Variants in MYLK observed in about 807,000 individuals in gnomAD.
MYLK encodes the protein myosin light chain kinase, smooth muscle.
Under a neutral mutation model 203.4 loss-of-function variants are expected in MYLK, and 106 were observed. The ratio of observed to expected loss-of-function variants is 0.52; its 90% CI spans 0.45 to 0.61. The LOEUF (loss-of-function observed/expected upper bound fraction) is 0.61, where lower values mean the gene tolerates loss of function less well. MYLK is among the 20% of genes least tolerant of loss of function. The pLI, the probability that MYLK is intolerant of heterozygous loss-of-function variation, is 0.00. For synonymous variants in MYLK, 867 were observed against 959.5 expected (o/e 0.90, Z 1.78); for missense variants, 2,072 against 2,442.3 (o/e 0.85, Z 3.20).
chr3:123,657,312 T>G lies in MYLK; in HGVS notation c.4102A>C (p.Ile1368Leu), dbSNP rs1397336213. The G allele has an allele frequency of 1.2e-6, 2 of 1,614,020 alleles. No homozygotes were observed. The highest frequency in any genetic ancestry group is 1.3e-5 in the African/African-American group (1 of 74,912). ...TTGTTGGCTGAGTCCCAGATCTCGA[T>G]GCTGTAGGACTGTACAGCACTGCCC... ...DGGSAVQSYSIEIWDSANKTW... is the reference protein window; with the variant it reads ...DGGSAVQSYSLEIWDSANKTW... Residue 1368 changes from isoleucine to leucine, a missense_variant, in exon 24 of 34, where the codon ATC (isoleucine) becomes CTC (leucine). By Grantham distance (5) the Ile-to-Leu change is conservative (BLOSUM62 2). Coordinates refer to ENST00000360304, the MANE Select transcript of MYLK (RefSeq NM_053025.4).
intron 4 of MYLK, among the ~76,000 whole-genome samples, chr3:123,754,549 A>G (rs2063304518): frequency 1.3e-5 from 2 of 152,224 alleles, no homozygotes; most frequent in Admixed American, 6.5e-5. Flanking sequence ...TTGTAGCCTC[A>G]CCAAAACAAG....
At chr3:123,761,197 CACTGGCCACAG>C (rs2063522880) in intron 4 of MYLK, among the ~76,000 whole-genome samples, 1 of 152,210 alleles carries the variant, frequency 6.6e-6, no homozygotes, top group Non-Finnish European at 1.5e-5. Context: ...AAGACTCAGA[CACTGGCCACAG>C]ATTGTTCTGT....
At chr3:123,820,297 C>G (rs2065879257) in intron 3 of MYLK, among the ~76,000 whole-genome samples, 1 of 152,160 alleles carries the variant, frequency 6.6e-6, no homozygotes, top group Non-Finnish European at 1.5e-5. Context: ...TGAATGGGAG[C>G]AGGGAAGTAC....
At chr3:123,628,259 C>T (rs560065463) in intron 30 of MYLK, among the ~76,000 whole-genome samples, 1 of 152,322 alleles carries the variant, frequency 6.6e-6, no homozygotes, top group East Asian at 1.9e-4. Flanking sequence ...GAAAGCCTGA[C>T]AGAGCCATCT....
chr3:123,741,151 G>A (rs531972584), intron 5 of MYLK, among the ~76,000 whole-genome samples: 1 of 152,162 alleles, frequency 6.6e-6, no homozygotes, highest in African/African-American at 2.4e-5. Context: ...TTTGCAGGGA[G>A]TTTACTGCAA....
Position 123,667,158 on chromosome 3 carries a change from G to C in MYLK, c.3682C>G (p.Pro1228Ala), listed in dbSNP as rs766218230. Residue 1228 changes from proline (P) to alanine (A), a missense_variant, in exon 21 of 34, where the codon CCC (proline) becomes GCC (alanine). Around this residue, in one of 3 missense-constraint regions of MYLK, gnomAD observed 865 missense variants for 1,016.0 expected, o/e 0.85. Coordinates refer to ENST00000360304, the MANE Select transcript of MYLK (RefSeq NM_053025.4). ...SDATVKKKPA[P>A]KTPPKAAMPP... The stretch of plus-strand genomic sequence containing the variant: ...TTACCTGCCTTCGGAGGTGTCTTGG[G>C]GGCAGGTTTCTTTTTCACAGTCGCA... 4.3e-6 allele frequency: 7 copies of C among 1,614,134 alleles called. No individual in the cohort carries two copies. The highest frequency in any genetic ancestry group is 5.9e-6 in the Non-Finnish European group (7 of 1,180,010).
intron 19 of MYLK, among the ~76,000 whole-genome samples, chr3:123,687,656 C>T (rs917934804): frequency 4.6e-5 from 7 of 151,138 alleles, no homozygotes; most frequent in African/African-American, 1.7e-4. Flanking sequence ...TTCCTTCCTT[C>T]CCTTTCTTCC....
chr3:123,716,299 T>C (rs1329092463), intron 13 of MYLK: 1 of 152,178 alleles, frequency 6.6e-6, no homozygotes, highest in African/African-American at 2.4e-5. Context: ...CCCCGGGGCA[T>C]CTGAATTCCC....
chr3:123,616,730 G>A (rs913258085), intron 33 of MYLK: 2 of 152,092 alleles, frequency 1.3e-5, no homozygotes, highest in Non-Finnish European at 2.9e-5. Context: ...GTCATTTCAT[G>A]CGGATCTGGT....
At chr3:123,677,898 TATATATATATATATATATATAC>T (rs201250303) in intron 20 of MYLK, among the ~76,000 whole-genome samples, 12,218 of 109,430 alleles carry the variant, frequency 0.11, 775 homozygotes, top group South Asian at 0.18. Flanking sequence ...TATATATATA[TATATATATATATATATATATAC>T]ACACACACAC....
At chr3:123,761,067 G>C (rs569111987) in intron 4 of MYLK, among the ~76,000 whole-genome samples, 1 of 152,316 alleles carries the variant, frequency 6.6e-6, no homozygotes, top group South Asian at 2.1e-4. Context: ...TTTTTAGCCA[G>C]TCATGATTGG....
chr3:123,613,952 A>G lies in MYLK; in HGVS notation c.*153T>C, dbSNP rs1237755912. On this transcript the variant is annotated 3_prime_UTR_variant, in exon 34 of 34. Coordinates refer to ENST00000360304, the MANE Select transcript of MYLK (RefSeq NM_053025.4). ...CCATCAATAACGCTGCTAGGTATCA[A>G]CTGCTGTTTCTGAAGAATCAACCCA... is the stretch of plus-strand genomic sequence containing the variant. 2 of 880,852 alleles carry G rather than the reference A, an allele frequency of 2.3e-6. No individual in the cohort carries two copies. The highest frequency in any genetic ancestry group is 3.6e-6 in the Non-Finnish European group (2 of 554,370). 54.6% of individuals were successfully genotyped at this position (880,852 alleles called of 1,614,324 possible). A position where few individuals can be genotyped will look rare whatever the true frequency, so the allele number is the denominator to read the frequency against.
At chr3:123,708,647 G>A in intron 15 of MYLK, 51 bp downstream of exon 15, 1 of 1,607,846 alleles carries the variant, frequency 6.2e-7, no homozygotes, top group Non-Finnish European at 8.5e-7. Context: ...CACTTTTGGA[G>A]GGGCTGCAGC....
At chr3:123,622,091 G>T (rs959787363) in intron 31 of MYLK, 20 of 152,234 alleles carry the variant, frequency 1.3e-4, no homozygotes, top group African/African-American at 4.6e-4. Context: ...CTCAGGAACA[G>T]GTAAGAGGTG....
rs1452968448 is a variant in MYLK, at chr3:123,700,313, T to A, written c.3155A>T (p.Asn1052Ile). 6.2e-7 allele frequency: 1 copy of A among 1,613,880 alleles called. No homozygotes were observed. The highest frequency in any genetic ancestry group is 1.1e-5 in the South Asian group (1 of 91,032). The stretch of plus-strand genomic sequence containing the variant: ...TTTCAGGTTCTCATCAGGCTTGGCA[T>A]TGCCCATGGGCTTCAGGGTCTCGGC... ...KPAETLKPMG[N>I]AKPDENLKSA... The change falls in exon 18 of 34, where the codon AAT becomes ATT. Residue 1052 changes from asparagine to isoleucine, a missense_variant. By Grantham distance (149) the Asn-to-Ile change is moderately radical (BLOSUM62 -3). Transcript: ENST00000360304.
intron 2 of MYLK, among the ~76,000 whole-genome samples, chr3:123,874,713 C>T (rs781383648): frequency 5.3e-4 from 80 of 152,052 alleles, no homozygotes; most frequent in Non-Finnish European, 1.0e-3. Context: ...CTACAGGCAG[C>T]GAGAAAATAT....
At chr3:123,666,146 T>C (rs2059726584) in intron 22 of MYLK, 73 bp downstream of exon 22, 2 of 1,611,748 alleles carry the variant, frequency 1.2e-6, no homozygotes, top group Admixed American at 1.7e-5. Context: ...ACGGCATTTC[T>C]CATCCCTTTC....
chr3:123,799,500 TC>T (rs2065116589), intron 3 of MYLK, among the ~76,000 whole-genome samples: 2 of 152,110 alleles, frequency 1.3e-5, no homozygotes. Context: ...ATGATCATTG[TC>T]TTGAAGCACC....
intron 2 of MYLK, among the ~76,000 whole-genome samples, chr3:123,868,550 T>C (rs1325139162): frequency 6.6e-6 from 1 of 152,240 alleles, no homozygotes; most frequent in African/African-American, 2.4e-5. Flanking sequence ...TATCCCTGAT[T>C]CTTTATAGAT....
Sources: gnomAD v4.1 joint callset for allele counts (sites outside exome capture counted in the v4.1 genomes callset) on GRCh38, gnomAD v4.1.1 for gene constraint, gnomAD v4.1.1 regional missense constraint, MANE v1.5 for transcripts, NCBI Gene and HGNC (gene_info 2026-07-23, HGNC 2026-07-21) for gene names.